Variants in AOPEP observed in about 807,000 individuals in gnomAD.
The protein encoded by AOPEP is aminopeptidase O (putative), also known as aminopeptidase O.
A neutral mutation model predicts 98.1 loss-of-function variants in AOPEP; 77 were observed. The ratio of observed to expected loss-of-function variants is 0.78; its 90% CI spans 0.65 to 0.95. The LOEUF (loss-of-function observed/expected upper bound fraction) is 0.95, where lower values mean the gene tolerates loss of function less well. Among genes scored for constraint, AOPEP ranks in the 40% least tolerant of loss-of-function variants. The pLI, the probability that AOPEP is intolerant of heterozygous loss-of-function variation, is 0.00. For synonymous variants in AOPEP, 346 were observed against 365.3 expected, an observed-to-expected ratio of 0.95 and a Z score of 0.60; for missense variants, 1,024 against 1,024.7, an observed-to-expected ratio of 1.00 and a Z score of 0.01.
intron 5 of AOPEP, among the ~76,000 whole-genome samples, chr9:94,858,083 G>GA (rs77077177): frequency 4.0e-3 from 480 of 118,894 alleles, no homozygotes; most frequent in Middle Eastern, 4.6e-3. Context: ...GTTCTAGTTT[G>GA]AAAAAAAAAA....
At chr9:95,133,646 C>A in the AOPEP span, among the ~76,000 whole-genome samples, 7 of 152,198 alleles carry the variant, frequency 4.6e-5, no homozygotes, top group African/African-American at 1.7e-4. Flanking sequence ...TAAGGAAAGG[C>A]TGGAAAAAAG....
intron 5 of AOPEP, among the ~76,000 whole-genome samples, chr9:94,918,895 A>ATTT (rs113503897): frequency 1.7e-4 from 25 of 143,296 alleles, no homozygotes; most frequent in African/African-American, 6.4e-4. Context: ...ATGTTTTACT[A>ATTT]TTTTTTTTTT....
intron 1 of AOPEP, among the ~76,000 whole-genome samples, chr9:94,735,122 A>G (rs1831422169): frequency 6.6e-6 from 1 of 152,214 alleles, no homozygotes; most frequent in African/African-American, 2.4e-5. Context: ...AGTTGGTTTA[A>G]GTAGCTCATT....
intron 13 of AOPEP, among the ~76,000 whole-genome samples, chr9:95,036,247 G>C (rs2064807459): frequency 6.6e-6 from 1 of 152,120 alleles, no homozygotes; most frequent in Non-Finnish European, 1.5e-5. Flanking sequence ...TTTTACCACT[G>C]ATTTCTCAGG....
downstream of AOPEP, among the ~76,000 whole-genome samples, chr9:95,089,780 G>A (rs1391127107): frequency 3.3e-5 from 5 of 152,196 alleles, no homozygotes; most frequent in African/African-American, 7.2e-5. Context: ...GCAGCTCCCC[G>A]CGGCCGACCC....
chr9:94,861,747 A>G (rs1026451450), intron 5 of AOPEP, among the ~76,000 whole-genome samples: 2 of 152,186 alleles, frequency 1.3e-5, no homozygotes, highest in Admixed American at 6.5e-5. Context: ...AGGCCCTCTC[A>G]TCAGCCAGTG....
intron 11 of AOPEP, among the ~76,000 whole-genome samples, chr9:94,996,032 G>A (rs1178684643): frequency 6.6e-6 from 1 of 152,164 alleles, no homozygotes; most frequent in Non-Finnish European, 1.5e-5. Context: ...TGCAGGGGGT[G>A]GAAGCAGAAC....
intron 13 of AOPEP, among the ~76,000 whole-genome samples, chr9:95,014,978 G>T (rs1589268839): frequency 6.6e-6 from 1 of 152,186 alleles, no homozygotes; most frequent in African/African-American, 2.4e-5. Context: ...TGGCCATGGG[G>T]AGATCAAACA....
intron 5 of AOPEP, among the ~76,000 whole-genome samples, chr9:94,914,275 G>A (rs1163417277): frequency 6.6e-6 from 1 of 152,168 alleles, no homozygotes; most frequent in Non-Finnish European, 1.5e-5. Flanking sequence ...AGACGGGAGG[G>A]AGAAGTTGGG....
intron 2 of AOPEP, among the ~76,000 whole-genome samples, chr9:94,764,258 C>T (rs903600432): frequency 1.3e-5 from 2 of 152,294 alleles, no homozygotes; most frequent in African/African-American, 4.8e-5. Flanking sequence ...AACACAATAC[C>T]TGATCAGCAC....
chr9:95,139,540 G>A, the AOPEP span, among the ~76,000 whole-genome samples: 1 of 152,132 alleles, frequency 6.6e-6, no homozygotes, highest in African/African-American at 2.4e-5. Context: ...GGAACAGAGT[G>A]TGGGCCTCGT....
chr9:95,099,766 C>T, the AOPEP span: 6 of 232,408 alleles, frequency 2.6e-5, no homozygotes, highest in East Asian at 1.2e-4. Context: ...TGAGAGGACT[C>T]GGCAGCTGTG....
At chr9:95,101,658 T>TA in the AOPEP span, 1 of 1,610,138 alleles carries the variant, frequency 6.2e-7, no homozygotes, top group Non-Finnish European at 8.5e-7. Flanking sequence ...CCTGTGGCCC[T>TA]GGCGAGCCTG....
chr9:95,123,641 A>G, the AOPEP span: 1 of 617,392 alleles, frequency 1.6e-6, no homozygotes, highest in East Asian at 3.6e-5. Flanking sequence ...CAAATTCATC[A>G]TTGGAAACAC....
intron 5 of AOPEP, among the ~76,000 whole-genome samples, chr9:94,877,412 A>AT (rs201267229): frequency 4.5e-5 from 6 of 134,492 alleles, no homozygotes; most frequent in South Asian, 2.6e-4. Context: ...ACCCTACTGG[A>AT]TTTTTTTTTC....
At chr9:94,895,219 T>TTAAAAA (rs2049334305) in intron 5 of AOPEP, among the ~76,000 whole-genome samples, 1 of 60,644 alleles carries the variant, frequency 1.6e-5, no homozygotes, top group African/African-American at 5.2e-5. Flanking sequence ...TCATCTCTAC[T>TTAAAAA]AAAAAAAAAT....
chr9:94,955,334 C>T, intron 8 of AOPEP, 55 bp downstream of exon 8: 1 of 1,084,722 alleles, frequency 9.2e-7, no homozygotes, highest in Non-Finnish European at 1.4e-6. Context: ...CTTTTTAGGC[C>T]ACACAATTAA....
chr9:95,063,965 G>T (rs891457604), intron 14 of AOPEP, among the ~76,000 whole-genome samples: 1 of 152,120 alleles, frequency 6.6e-6, no homozygotes, highest in Non-Finnish European at 1.5e-5. Flanking sequence ...ACAGAGGGGA[G>T]TAGCTAGAAA....
chr9:95,096,706 A>G, the AOPEP span, among the ~76,000 whole-genome samples: 1 of 152,120 alleles, frequency 6.6e-6, no homozygotes, highest in Non-Finnish European at 1.5e-5. Context: ...GAGGCCTGAG[A>G]GCTGGCCGCT....
Sources: allele counts gnomAD v4.1 joint callset (sites outside exome capture counted in the v4.1 genomes callset), GRCh38; gene constraint gnomAD v4.1.1; transcripts MANE v1.5; gene names NCBI Gene and HGNC (gene_info 2026-07-23, HGNC 2026-07-21).